Variants in PCGF6 observed in about 807,000 individuals in gnomAD.
PCGF6 encodes the protein polycomb group ring finger 6.
Under a neutral mutation model 45.5 loss-of-function variants are expected in PCGF6, and 24 were observed. That is an observed-to-expected ratio of 0.53 (90% CI 0.38 to 0.74). The LOEUF (loss-of-function observed/expected upper bound fraction) is 0.74. Among genes scored for constraint, PCGF6 ranks in the 30% least tolerant of loss-of-function variants. The probability of loss-of-function intolerance (pLI) is 0.00; values close to 1 mark genes in which losing one functional copy is unlikely to be tolerated. For missense variants in PCGF6, 356 were observed against 443.2 expected (o/e 0.80, Z 1.77); for synonymous variants, 152 against 162.1 (o/e 0.94, Z 0.47).
intron 9 of PCGF6, among the ~76,000 whole-genome samples, chr10:103,309,998 C>T (rs1427034911): frequency 6.7e-6 from 1 of 150,304 alleles, no homozygotes; most frequent in African/African-American, 2.4e-5. Flanking sequence ...GTTGCCTAGG[C>T]TGGAGTGCAA....
chr10:103,330,120 G>A (rs778452449), intron 7 of PCGF6, among the ~76,000 whole-genome samples: 8 of 151,546 alleles, frequency 5.3e-5, no homozygotes, highest in Non-Finnish European at 1.0e-4. Flanking sequence ...TTTAGCCCAG[G>A]CTGGAATGCA....
chr10:103,310,986 A>G (rs1315861710), intron 9 of PCGF6, among the ~76,000 whole-genome samples: 1 of 152,046 alleles, frequency 6.6e-6, no homozygotes. Context: ...ACAGGTATGC[A>G]CAACCATGTC....
intron 1 of PCGF6, among the ~76,000 whole-genome samples, chr10:103,349,488 T>TTTG (rs2093312733): frequency 8.3e-6 from 1 of 120,924 alleles, no homozygotes; most frequent in Non-Finnish European, 1.8e-5. Flanking sequence ...CGTTTTTTTT[T>TTTG]TTTTTTTTTT....
rs570300982 is a variant in PCGF6, at chr10:103,349,071, CAG to C, written c.361-74_361-73del. 45 of 1,263,820 alleles carry C rather than the reference CAG, an allele frequency of 3.6e-5. No individual in the cohort carries two copies. The African/African-American group carries it at 4.6e-4, about 13-fold the overall frequency. 78.3% of individuals were successfully genotyped at this position (1,263,820 alleles called of 1,614,324 possible). ...ACAAATTCTTTTTTTTTTTTTGAGA[CAG>C]AGTCTCACTCTGTAGCCCAAGCTGA... On this transcript the variant is annotated intron_variant, in intron 1 of 9. Transcript: ENST00000369847.
intron 8 of PCGF6, among the ~76,000 whole-genome samples, chr10:103,322,238 G>A (rs1193894737): frequency 6.6e-6 from 1 of 151,910 alleles, no homozygotes; most frequent in Non-Finnish European, 1.5e-5. Context: ...GTGTATTGCT[G>A]TCGCTCAGGC....
At chr10:103,311,165 C>T (rs1236296960) in intron 9 of PCGF6, among the ~76,000 whole-genome samples, 4 of 151,854 alleles carry the variant, frequency 2.6e-5, no homozygotes, top group Non-Finnish European at 4.4e-5. Context: ...TTTTTGAAAC[C>T]GAGTCTTGCT....
intron 9 of PCGF6, among the ~76,000 whole-genome samples, chr10:103,305,728 AAT>A (rs890022963): frequency 1.1e-4 from 16 of 152,014 alleles, no homozygotes; most frequent in Non-Finnish European, 1.2e-4. Context: ...GAAAGCCTAA[AAT>A]ATATATGTTT....
intron 1 of PCGF6, 127 bp downstream of exon 1, chr10:103,350,580 G>GGAGGTCCGCTCCA (rs2093317176): frequency 4.2e-6 from 4 of 953,864 alleles, no homozygotes; most frequent in Non-Finnish European, 5.7e-6. Context: ...AGAGGTCGGG[G>GGAGGTCCGCTCCA]GAGGTCCGCT....
At chr10:103,333,020 T>G (rs942355067) in intron 7 of PCGF6, among the ~76,000 whole-genome samples, 1 of 150,970 alleles carries the variant, frequency 6.6e-6, no homozygotes, top group Non-Finnish European at 1.5e-5. Flanking sequence ...AGGCTGAGGC[T>G]GGGTTCAAGA....
At position 103,348,754 on chromosome 10, in the gene PCGF6, A is replaced by G. The variant is rs1374137773; in HGVS notation, c.519T>C (p.Asn173=). The change falls in exon 3 of 10, where the codon AAT becomes AAC. Residue 173 remains asparagine, a synonymous_variant. Transcript: ENST00000369847. ...FYYSNRCPKC[N]IVVHQTQPLY... Reference sequence around the variant, plus strand: ...GAGGTTGTGTCTGATGTACTACTATATTGCATTTTGGACATCTGTTGCTGT... The same window carrying G: ...GAGGTTGTGTCTGATGTACTACTATGTTGCATTTTGGACATCTGTTGCTGT... 4.3e-6 allele frequency: 7 copies of G among 1,610,534 alleles called. No homozygotes were observed. In the South Asian group the frequency reaches 5.5e-5, roughly 13 times the overall value.
intron 6 of PCGF6, among the ~76,000 whole-genome samples, chr10:103,341,461 C>T (rs970487164): frequency 2.6e-5 from 4 of 151,732 alleles, no homozygotes; most frequent in East Asian, 2.0e-4. Flanking sequence ...TTTTTCGAGA[C>T]GGAGTTTGGC....
intron 7 of PCGF6, among the ~76,000 whole-genome samples, chr10:103,332,713 G>GT (rs1419259193): frequency 6.6e-6 from 1 of 152,130 alleles, no homozygotes; most frequent in Non-Finnish European, 1.5e-5. Context: ...ATACAAAAAC[G>GT]TATCTGCCAC....
chr10:103,331,004 A>G (rs2093238237), intron 7 of PCGF6, among the ~76,000 whole-genome samples: 1 of 152,140 alleles, frequency 6.6e-6, no homozygotes, highest in Non-Finnish European at 1.5e-5. Flanking sequence ...TCTGACAACC[A>G]CTAATCTGCT....
Position 103,350,767 on chromosome 10 carries a change from GTCCTCC to G in PCGF6, c.294_299del (p.Glu98_Glu99del). The G allele has an allele frequency of 1.3e-6, 2 of 1,563,688 alleles. No homozygotes were observed. The highest frequency in any genetic ancestry group is 1.7e-6 in the Non-Finnish European group (2 of 1,155,502). ...CCAGCCTCAACGAGAAGTGACTCATGTCCTCCTCCTCCTCCTCTTCTTCCTCCTCCA... is the reference window on the plus strand; with the variant it reads ...CCAGCCTCAACGAGAAGTGACTCATGTCCTCCTCCTCTTCTTCCTCCTCCA... On this transcript the variant is annotated inframe_deletion, in exon 1 of 10. Transcript: ENST00000369847.
intron 3 of PCGF6, 84 bp from the exon 4 acceptor site, chr10:103,347,534 G>C: frequency 9.1e-7 from 1 of 1,101,370 alleles, no homozygotes; most frequent in South Asian, 1.4e-5. Context: ...GTTTTCTCTT[G>C]AGAGTGGGTA....
intron 8 of PCGF6, among the ~76,000 whole-genome samples, chr10:103,319,858 T>C (rs1466837869): frequency 6.6e-6 from 1 of 152,198 alleles, no homozygotes; most frequent in Non-Finnish European, 1.5e-5. Flanking sequence ...CAGGCTGTAG[T>C]GCAGTGGTGC....
intron 9 of PCGF6, among the ~76,000 whole-genome samples, chr10:103,304,991 T>C (rs1026932877): frequency 2.6e-5 from 4 of 152,050 alleles, no homozygotes; most frequent in Non-Finnish European, 5.9e-5. Context: ...GAAACTATCA[T>C]GTAGCCATAA....
At chr10:103,347,035 G>A (rs936237255) in intron 5 of PCGF6, among the ~76,000 whole-genome samples, 3 of 152,110 alleles carry the variant, frequency 2.0e-5, no homozygotes, top group African/African-American at 7.2e-5. Context: ...TAAAGTGGCA[G>A]GGCTAGGAAC....
At chr10:103,342,017 C>T (rs2093282610) in intron 6 of PCGF6, among the ~76,000 whole-genome samples, 1 of 151,932 alleles carries the variant, frequency 6.6e-6, no homozygotes, top group South Asian at 2.1e-4. Flanking sequence ...CTCACTGCAA[C>T]GTCCACCTCC....
Sources: allele counts gnomAD v4.1 joint callset (sites outside exome capture counted in the v4.1 genomes callset), GRCh38; gene constraint gnomAD v4.1.1; transcripts MANE v1.5; gene names NCBI Gene and HGNC (gene_info 2026-07-23, HGNC 2026-07-21).